The following KLHL29 variants were observed in gnomAD, a reference collection of about 807,000 sequenced individuals.
KLHL29 encodes kelch like family member 29, also known as kelch-like protein 29.
Under a neutral mutation model 80.4 loss-of-function variants are expected in KLHL29, and 21 were observed. The observed-to-expected ratio is 0.26, with a 90% confidence interval of 0.19 to 0.38. The LOEUF is 0.38. Ranked by LOEUF, KLHL29 falls within the 10% of genes least tolerant of loss-of-function variation. The pLI is 1.00. For synonymous variants in KLHL29, 511 were observed against 526.8 expected (o/e 0.97, Z 0.41); for missense variants, 867 against 1,223.9 (o/e 0.71, Z 4.35).
chr2:23,473,788 C>T (rs115890329), intron 1 of KLHL29, among the ~76,000 whole-genome samples: 168 of 152,280 alleles, frequency 1.1e-3, no homozygotes, highest in Admixed American at 1.9e-3. Flanking sequence ...CAGGGCCCTA[C>T]GCAATCAGGA....
chr2:23,487,902 C>T (rs1421533048), intron 2 of KLHL29, among the ~76,000 whole-genome samples: 6 of 152,210 alleles, frequency 3.9e-5, no homozygotes, highest in East Asian at 1.9e-4. Flanking sequence ...GCAGCTGGGC[C>T]GTGTGGTGGG....
At chr2:23,405,483 G>C (rs1666701068) in intron 1 of KLHL29, among the ~76,000 whole-genome samples, 1 of 152,188 alleles carries the variant, frequency 6.6e-6, no homozygotes, top group South Asian at 2.1e-4. Context: ...TGGAAAATTT[G>C]CTGCATTATC....
intron 1 of KLHL29, among the ~76,000 whole-genome samples, chr2:23,435,899 CTTTTTTTT>C (rs769975340): frequency 5.2e-5 from 7 of 135,440 alleles, no homozygotes; most frequent in Admixed American, 3.0e-4. Context: ...CTCTCTCTCT[CTTTTTTTT>C]TTTTTTTTTT....
chr2:23,508,511 G>A (rs1665671151), intron 2 of KLHL29, among the ~76,000 whole-genome samples: 1 of 152,236 alleles, frequency 6.6e-6, no homozygotes, highest in African/African-American at 2.4e-5. Flanking sequence ...AAGCACACCT[G>A]TGCTCCATTC....
At chr2:23,617,858 G>A (rs1453769098) in intron 3 of KLHL29, 2 of 152,320 alleles carry the variant, frequency 1.3e-5, no homozygotes, top group Admixed American at 6.5e-5. Context: ...GCTGTTGTGG[G>A]TAATGCACAA....
chr2:23,629,680 C>T (rs1669419712), intron 3 of KLHL29, among the ~76,000 whole-genome samples: 1 of 152,188 alleles, frequency 6.6e-6, no homozygotes, highest in South Asian at 2.1e-4. Flanking sequence ...GCCATCTGTG[C>T]TGCACTTTCA....
chr2:23,554,586 T>A (rs866659464), intron 2 of KLHL29, among the ~76,000 whole-genome samples: 11 of 152,128 alleles, frequency 7.2e-5, no homozygotes, highest in Admixed American at 1.3e-4. Context: ...CATGTTAATA[T>A]GTGTGGGCCG....
intron 3 of KLHL29, among the ~76,000 whole-genome samples, chr2:23,600,739 C>T (rs1045477044): frequency 4.6e-5 from 7 of 152,180 alleles, no homozygotes; most frequent in African/African-American, 1.4e-4. Context: ...GGAGTGGGAC[C>T]CATCAGGTTG....
At position 23,680,909 on chromosome 2, in the gene KLHL29, G is replaced by A. The variant is rs900159890; in HGVS notation, c.941-3490G>A. ...AAGTCCACTCTGAAGACCCAGCCCC[G>A]AGGCCTGCAAATCTCCCACACCTGA... On this transcript the variant is annotated intron_variant, in intron 5 of 13. Coordinates refer to ENST00000486442, the MANE Select transcript of KLHL29 (RefSeq NM_052920.2). This position sits in a 1 kb window ranked among gnomAD's most constrained non-coding sequence, Gnocchi z 4.1. 6.6e-6 allele frequency among the ~76,000 whole-genome samples: 1 copy of A among 152,174 alleles called. No individual in the cohort carries two copies. Among genetic ancestry groups the A allele is most frequent in the Non-Finnish European group, 1.5e-5 (1 of 68,016 alleles).
chr2:23,429,369 TGAGG>T (rs1663102815), intron 1 of KLHL29, among the ~76,000 whole-genome samples: 2 of 152,212 alleles, frequency 1.3e-5, no homozygotes, highest in Non-Finnish European at 2.9e-5. Flanking sequence ...CACCCAGCCC[TGAGG>T]GACAGAGCTT....
intron 3 of KLHL29, among the ~76,000 whole-genome samples, chr2:23,563,475 A>G (rs1350395370): frequency 6.6e-6 from 1 of 152,322 alleles, no homozygotes; most frequent in East Asian, 1.9e-4. Flanking sequence ...ACATGCGTGT[A>G]TGTGCCTGCA....
At chr2:23,559,072 G>C (rs972746523) in intron 2 of KLHL29, among the ~76,000 whole-genome samples, 19 of 152,214 alleles carry the variant, frequency 1.2e-4, no homozygotes, top group Admixed American at 9.2e-4. Flanking sequence ...CAGGGTTCTA[G>C]AAGAATTGGT....
At chr2:23,592,838 G>GTAA (rs1558401019) in intron 3 of KLHL29, among the ~76,000 whole-genome samples, 2 of 152,178 alleles carry the variant, frequency 1.3e-5, no homozygotes, top group African/African-American at 4.8e-5. Context: ...CCTTCTGCAG[G>GTAA]TAAGCTGGTG....
In KLHL29 at chr2:23,481,063, C is replaced by A. The variant is rs924895040; in HGVS notation, c.-46+5396C>A. The stretch of plus-strand genomic sequence containing the variant: ...TCGAAACGGTAACTCTCAACTCTGG[C>A]TGCCTATGACATCACCCAGGGAGAT... On this transcript the variant is annotated intron_variant, in intron 2 of 13. Transcript: ENST00000486442. Among the ~76,000 whole-genome samples the A allele has an allele frequency of 3.9e-5, 6 of 152,214 alleles. 1 individual carries two copies. The South Asian group carries it at 8.3e-4, about 21-fold the overall frequency.
At chr2:23,657,248 C>T (rs1039422807) in intron 5 of KLHL29, among the ~76,000 whole-genome samples, 5 of 152,176 alleles carry the variant, frequency 3.3e-5, no homozygotes, top group Non-Finnish European at 4.4e-5. Flanking sequence ...TCCCCCAACC[C>T]GGGCACATGC....
chr2:23,406,937 AC>A (rs1307319255), intron 1 of KLHL29, among the ~76,000 whole-genome samples: 20 of 152,262 alleles, frequency 1.3e-4, no homozygotes, highest in African/African-American at 4.6e-4. Flanking sequence ...AGATAAAAAA[AC>A]AATTAACATT....
intron 5 of KLHL29, among the ~76,000 whole-genome samples, chr2:23,660,082 A>G (rs1572474122): frequency 6.6e-6 from 1 of 151,378 alleles, no homozygotes. Context: ...ACTTCCCTGG[A>G]CCCCCACACC....
At chr2:23,595,830 C>A (rs1668380974) in intron 3 of KLHL29, among the ~76,000 whole-genome samples, 1 of 152,174 alleles carries the variant, frequency 6.6e-6, no homozygotes, top group Non-Finnish European at 1.5e-5. Flanking sequence ...TCCCAGCTCT[C>A]CCAGGGTGGC....
chr2:23,543,574 GT>G (rs1322919838), intron 2 of KLHL29, among the ~76,000 whole-genome samples: 9 of 152,200 alleles, frequency 5.9e-5, no homozygotes, highest in Admixed American at 5.9e-4. Context: ...TGATTTCCGT[GT>G]TTCCTTGCAG....
Sources: gnomAD v4.1 joint callset for allele counts (sites outside exome capture counted in the v4.1 genomes callset) on GRCh38, gnomAD v4.1.1 for gene constraint, Gnocchi (gnomAD v3.1) non-coding constraint, MANE v1.5 for transcripts, NCBI Gene and HGNC (gene_info 2026-07-23, HGNC 2026-07-21) for gene names.